ADGRB3: variants seen among roughly 807,000 people sequenced by gnomAD.
The protein encoded by ADGRB3 is brain-specific angiogenesis inhibitor 3.
A neutral mutation model predicts 193.4 loss-of-function variants in ADGRB3; 37 were observed. The ratio of observed to expected loss-of-function variants is 0.19; its 90% CI spans 0.15 to 0.25. The LOEUF is 0.25. Ranked by LOEUF, ADGRB3 falls within the 10% of genes least tolerant of loss-of-function variation. The probability of loss-of-function intolerance (pLI) is 1.00; values close to 1 mark genes in which losing one functional copy is unlikely to be tolerated. For synonymous variants in ADGRB3, 690 were observed against 644.2 expected (o/e 1.07, Z -1.08); for missense variants, 1,637 against 1,852.9 (o/e 0.88, Z 2.14).
chr6:68,944,732 T>G (rs1307293143), intron 6 of ADGRB3, among the ~76,000 whole-genome samples: 1 of 152,108 alleles, frequency 6.6e-6, no homozygotes. Context: ...AAGAATAATG[T>G]CCAGCTTCAA....
At chr6:69,045,427 T>A (rs547285581) in intron 13 of ADGRB3, among the ~76,000 whole-genome samples, 88 of 152,214 alleles carry the variant, frequency 5.8e-4, no homozygotes, top group African/African-American at 1.9e-3. Context: ...CATCAGTGTA[T>A]GAAAGTATAT....
At chr6:68,764,236 G>A (rs748038666) in intron 3 of ADGRB3, among the ~76,000 whole-genome samples, 2 of 152,056 alleles carry the variant, frequency 1.3e-5, no homozygotes, top group Non-Finnish European at 2.9e-5. Context: ...GTACAGACAG[G>A]AAATGCCAGA....
At chr6:69,195,428 G>A (rs1765274825) in intron 17 of ADGRB3, among the ~76,000 whole-genome samples, 1 of 151,510 alleles carries the variant, frequency 6.6e-6, no homozygotes, top group African/African-American at 2.4e-5. Context: ...GGGAGGCTGA[G>A]GTGGGAGGAT....
At chr6:68,963,087 T>G (rs1768279647) in intron 8 of ADGRB3, among the ~76,000 whole-genome samples, 1 of 152,060 alleles carries the variant, frequency 6.6e-6, no homozygotes, top group South Asian at 2.1e-4. Flanking sequence ...CCAGATGGAG[T>G]CCATCATGGT....
At chr6:69,199,394 G>A (rs577453747) in intron 17 of ADGRB3, among the ~76,000 whole-genome samples, 3 of 152,140 alleles carry the variant, frequency 2.0e-5, no homozygotes, top group African/African-American at 7.2e-5. Context: ...GATAGATAGG[G>A]ATAGTAGTAA....
intron 20 of ADGRB3, among the ~76,000 whole-genome samples, chr6:69,306,359 C>T (rs1336923177): frequency 4.6e-5 from 7 of 151,578 alleles, no homozygotes; most frequent in Non-Finnish European, 8.8e-5. Context: ...AATTCAAAGT[C>T]TTCAATCTCT....
chr6:68,910,318 T>C (rs184795471), intron 3 of ADGRB3, among the ~76,000 whole-genome samples: 1 of 152,144 alleles, frequency 6.6e-6, no homozygotes, highest in Non-Finnish European at 1.5e-5. Flanking sequence ...CCTTTGTCAG[T>C]TGAGTAGATT....
chr6:69,144,871 TGA>T (rs1774437216), intron 17 of ADGRB3, among the ~76,000 whole-genome samples: 3 of 62,806 alleles, frequency 4.8e-5, no homozygotes, highest in Non-Finnish European at 7.4e-5. Flanking sequence ...GTAGTTTGTT[TGA>T]GTGTTCTTTC....
In ADGRB3 at chr6:69,255,315, G is replaced by T. The variant is rs911346449; in HGVS notation, c.2814+16089G>T. 2.8e-3 allele frequency among the ~76,000 whole-genome samples: 421 copies of T among 152,186 alleles called. 1 individual carries two copies. Among genetic ancestry groups the T allele is most frequent in the African/African-American group, 9.6e-3 (399 of 41,520 alleles). ...TCTACAATGGTTGAACTAGTTTACA[G>T]TCCCACCAACAGTGTAAAAGTGTTC... On this transcript the variant is annotated intron_variant, in intron 20 of 31. Transcript: ENST00000370598.
At chr6:69,224,472 T>C (rs1421757865) in intron 17 of ADGRB3, among the ~76,000 whole-genome samples, 2 of 152,156 alleles carry the variant, frequency 1.3e-5, no homozygotes, top group Non-Finnish European at 2.9e-5. Flanking sequence ...GGAAAAAATA[T>C]ACAAACAGAA....
At position 69,022,985 on chromosome 6, in the gene ADGRB3, T is replaced by G. The variant is rs530364613; in HGVS notation, c.2107+4486T>G. Among the ~76,000 whole-genome samples the G allele has an allele frequency of 2.0e-5, 3 of 152,224 alleles. No homozygotes were observed. In the South Asian group the frequency reaches 6.2e-4, roughly 32 times the overall value. On this transcript the variant is annotated intron_variant, in intron 13 of 31. Transcript: ENST00000370598. ...TTTTTCACAATAGCTTCATATAGCA[T>G]ATTACATTTGCTTTTATTGATAAGA...
At chr6:69,264,131 A>C (rs1766984640) in intron 20 of ADGRB3, among the ~76,000 whole-genome samples, 1 of 152,008 alleles carries the variant, frequency 6.6e-6, no homozygotes, top group African/African-American at 2.4e-5. Context: ...GATAGACACT[A>C]GGAGAAAACT....
intron 17 of ADGRB3, among the ~76,000 whole-genome samples, chr6:69,095,673 G>C (rs941236010): frequency 2.0e-5 from 3 of 152,150 alleles, no homozygotes; most frequent in Non-Finnish European, 4.4e-5. Context: ...TATTTCATGA[G>C]TTCTGTCGAT....
intron 17 of ADGRB3, among the ~76,000 whole-genome samples, chr6:69,100,986 G>GT: frequency 6.7e-6 from 1 of 148,462 alleles, no homozygotes; most frequent in Admixed American, 6.7e-5. Context: ...AAGGAAGGAA[G>GT]GAAGGAAGGA....
At position 68,834,588 on chromosome 6, in the gene ADGRB3, G is replaced by C. The variant is rs530875960; in HGVS notation, c.758-95971G>C. Among the ~76,000 whole-genome samples, 6 of 152,244 alleles carry C rather than the reference G, an allele frequency of 3.9e-5. No individual in the cohort carries two copies. In the East Asian group the frequency reaches 1.2e-3, roughly 29 times the overall value. ...AATAGCCACTTTTTGTGAAGGATCA[G>C]AAATCTAGAAGATTGCAGCCAAGTT... On this transcript the variant is annotated intron_variant, in intron 3 of 31. Coordinates refer to ENST00000370598, the MANE Select transcript of ADGRB3 (RefSeq NM_001704.3).
At chr6:68,762,568 A>C (rs1161133033) in intron 3 of ADGRB3, among the ~76,000 whole-genome samples, 1 of 149,558 alleles carries the variant, frequency 6.7e-6, no homozygotes, top group Non-Finnish European at 1.5e-5. Context: ...AAATAGGACT[A>C]GTAAATTAAT....
At chr6:68,939,351 A>T (rs1451103764) in intron 5 of ADGRB3, among the ~76,000 whole-genome samples, 1 of 152,170 alleles carries the variant, frequency 6.6e-6, no homozygotes, top group South Asian at 2.1e-4. Flanking sequence ...AACACTAGGC[A>T]TAAGTGACTC....
chr6:68,693,035 T>C (rs913338657), intron 3 of ADGRB3, among the ~76,000 whole-genome samples: 32 of 151,720 alleles, frequency 2.1e-4, no homozygotes, highest in South Asian at 1.7e-3. Context: ...ATACAAATTA[T>C]ATTTTGATTT....
intron 20 of ADGRB3, among the ~76,000 whole-genome samples, chr6:69,254,678 A>T (rs562721746): frequency 3.9e-5 from 6 of 152,030 alleles, no homozygotes; most frequent in South Asian, 4.2e-4. Context: ...ACTGATTTTT[A>T]AAAAATGCCT....
Sources: gnomAD v4.1 joint callset for allele counts (sites outside exome capture counted in the v4.1 genomes callset) on GRCh38, gnomAD v4.1.1 for gene constraint, MANE v1.5 for transcripts, NCBI Gene and HGNC (gene_info 2026-07-23, HGNC 2026-07-21) for gene names.